Variants in TMEFF1 observed in about 807,000 individuals in gnomAD.
TMEFF1 encodes tomoregulin-1.
A neutral mutation model predicts 47.5 loss-of-function variants in TMEFF1; 20 were observed. The ratio of observed to expected loss-of-function variants is 0.42; its 90% confidence interval spans 0.30 to 0.61. The LOEUF is 0.61. TMEFF1 is among the 20% of genes least tolerant of loss of function. TMEFF1 has a pLI of 0.19. For missense variants in TMEFF1, 411 were observed against 471.1 expected, an observed-to-expected ratio of 0.87 and a Z score of 1.18; for synonymous variants, 162 against 166.3, an observed-to-expected ratio of 0.97 and a Z score of 0.20.
intron 9 of TMEFF1, among the ~76,000 whole-genome samples, chr9:100,574,496 C>CG (rs1020836808): frequency 2.0e-5 from 3 of 152,014 alleles, no homozygotes; most frequent in African/African-American, 7.2e-5. Context: ...CTCAACCTCC[C>CG]GAGTAGCTGA....
chr9:100,574,941 C>T (rs80000791), intron 9 of TMEFF1, among the ~76,000 whole-genome samples: 11,362 of 152,248 alleles, frequency 0.075, 499 homozygotes, highest in South Asian at 0.14. Context: ...GCCCTCACAG[C>T]CACTTAGACA....
chr9:100,486,488 C>T (rs770581903), intron 1 of TMEFF1, among the ~76,000 whole-genome samples: 34 of 152,244 alleles, frequency 2.2e-4, no homozygotes, highest in Admixed American at 1.3e-3. Flanking sequence ...ATAATTGGTC[C>T]GCCTCGGGCT....
intron 8 of TMEFF1, among the ~76,000 whole-genome samples, chr9:100,565,559 A>C (rs912779267): frequency 6.6e-6 from 1 of 152,094 alleles, no homozygotes; most frequent in Non-Finnish European, 1.5e-5. Flanking sequence ...CTACACCTGC[A>C]GTTTATACAT....
intron 4 of TMEFF1, 57 bp downstream of exon 4, chr9:100,513,390 T>C (rs1404994036): frequency 5.0e-5 from 77 of 1,530,778 alleles, no homozygotes; most frequent in South Asian, 3.7e-4. Context: ...TTTCTTTCTT[T>C]TTCTTTTTTT....
chr9:100,525,303 C>G (rs1838234758), intron 5 of TMEFF1, among the ~76,000 whole-genome samples: 1 of 152,090 alleles, frequency 6.6e-6, no homozygotes, highest in Non-Finnish European at 1.5e-5. Flanking sequence ...CGCTTTATAA[C>G]CAGCTGCAAA....
At chr9:100,537,225 G>A (rs1838531240) in intron 5 of TMEFF1, among the ~76,000 whole-genome samples, 1 of 152,194 alleles carries the variant, frequency 6.6e-6, no homozygotes, top group South Asian at 2.1e-4. Flanking sequence ...TGTAAGCATA[G>A]TGTCCAGAAC....
At chr9:100,490,867 GTGTGTA>G (rs748298736) in intron 1 of TMEFF1, among the ~76,000 whole-genome samples, 83 of 150,526 alleles carry the variant, frequency 5.5e-4, no homozygotes, top group African/African-American at 1.6e-3. Flanking sequence ...GTGTGTGTGT[GTGTGTA>G]TGTGTGTATG....
chr9:100,574,909 A>G (rs1839317962), intron 9 of TMEFF1, among the ~76,000 whole-genome samples: 1 of 152,176 alleles, frequency 6.6e-6, no homozygotes, highest in Non-Finnish European at 1.5e-5. Context: ...CCTCTAGTTT[A>G]TACTCCAGAT....
rs180724162 is a variant in TMEFF1, at chr9:100,536,772, A to G, written c.561-10972A>G. ...ATGAATCTAAGCAAGATAATCATCA[A>G]TCTGGCTTGGTATACATGACATAGG... On this transcript the variant is annotated intron_variant, in intron 5 of 9. Coordinates refer to ENST00000374879, the MANE Select transcript of TMEFF1 (RefSeq NM_003692.5). Among the ~76,000 whole-genome samples, 424 of 152,342 alleles carry G rather than the reference A, an allele frequency of 2.8e-3. 2 individuals are homozygous for G. The highest frequency in any genetic ancestry group is 9.7e-3 in the African/African-American group (402 of 41,572).
At chr9:100,517,030 T>C (rs199964080) in intron 5 of TMEFF1, among the ~76,000 whole-genome samples, 1 of 152,194 alleles carries the variant, frequency 6.6e-6, no homozygotes, top group Non-Finnish European at 1.5e-5. Flanking sequence ...CCCTGTAGTT[T>C]TATAGTTTTA....
Position 100,473,430 on chromosome 9 carries a change from G to A in TMEFF1, c.-115G>A. The A allele has an allele frequency of 1.2e-6, 1 of 804,168 alleles. No individual in the cohort carries two copies. The highest frequency in any genetic ancestry group is 1.7e-6 in the Non-Finnish European group (1 of 604,636). The allele number at this position is 804,168 out of a possible 1,614,324, so 49.8% of individuals were successfully genotyped here. A position where few individuals can be genotyped will look rare whatever the true frequency, so the allele number is the denominator to read the frequency against. ...CGGGGATGCTGACGGGCTGCTCCCC[G>A]GCTCAGCGGCGCGGCTGCTAGGAGG... On this transcript the variant is annotated 5_prime_UTR_variant, in exon 1 of 10. Transcript: ENST00000374879. This position sits in a 1 kb window ranked among gnomAD's most constrained non-coding sequence, Gnocchi z 5.4.
intron 1 of TMEFF1, among the ~76,000 whole-genome samples, chr9:100,496,180 C>T (rs894491406): frequency 6.6e-6 from 1 of 152,200 alleles, no homozygotes; most frequent in Non-Finnish European, 1.5e-5. Context: ...GCTGGAGGAG[C>T]AAACCAAGTC....
rs1837690837 is a variant in TMEFF1, at chr9:100,498,070, T to C, written c.197-695T>C. Among the ~76,000 whole-genome samples, 2 of 152,314 alleles carry C rather than the reference T, an allele frequency of 1.3e-5. 1 individual carries two copies. Among genetic ancestry groups the C allele is most frequent in the South Asian group, 4.1e-4 (2 of 4,826 alleles). On this transcript the variant is annotated intron_variant, in intron 1 of 9. Coordinates refer to ENST00000374879, the MANE Select transcript of TMEFF1 (RefSeq NM_003692.5). ...AGCTTCAAGCACTAACCTTGAAGCT[T>C]AATTTGATGCTTAATGTTGGAGCAG...
chr9:100,544,063 T>G (rs537173465), intron 5 of TMEFF1, among the ~76,000 whole-genome samples: 142 of 151,642 alleles, frequency 9.4e-4, no homozygotes, highest in Non-Finnish European at 1.8e-3. Context: ...ATATGACAGC[T>G]CATTTCCAGT....
chr9:100,570,781 C>CT (rs1321029248), intron 8 of TMEFF1, among the ~76,000 whole-genome samples: 1 of 151,976 alleles, frequency 6.6e-6, no homozygotes, highest in Non-Finnish European at 1.5e-5. Flanking sequence ...TCCCACATTT[C>CT]TTTTTTGTTG....
rs1837918961 is a variant in TMEFF1 at position 100,509,345 on chromosome 9, C to T, written c.436+211C>T. Among the ~76,000 whole-genome samples the T allele has an allele frequency of 2.0e-5, 3 of 152,122 alleles. No homozygotes were observed. In the South Asian group the frequency reaches 6.2e-4, roughly 32 times the overall value. On this transcript the variant is annotated intron_variant, in intron 3 of 9. Transcript: ENST00000374879. ...TATAGACTTATGTTACTCCTTACTA[C>T]ATTGTTAAGGCTTAACACTCTTTTT...
At chr9:100,557,609 T>A (rs928568922) in intron 7 of TMEFF1, among the ~76,000 whole-genome samples, 1 of 152,154 alleles carries the variant, frequency 6.6e-6, no homozygotes, top group Non-Finnish European at 1.5e-5. Context: ...ATGCTCTGAG[T>A]CTTAACTTAA....
In TMEFF1 at chr9:100,577,494, G is replaced by A. The variant is rs41274969; in HGVS notation, c.*894G>A. 6.6e-6 allele frequency: 1 copy of A among 152,536 alleles called. No homozygotes were observed. Among genetic ancestry groups the A allele is most frequent in the East Asian group, 1.9e-4 (1 of 5,208 alleles). 9.4% of individuals were successfully genotyped at this position (152,536 alleles called of 1,614,324 possible). A position where few individuals can be genotyped will look rare whatever the true frequency, so the allele number is the denominator to read the frequency against. Reference sequence around the variant, plus strand: ...GATTGTTGGTGTTTAAAGATCTGAAGTGTGAGTAGAATGTATTCAGCTGTT... The same window carrying A: ...GATTGTTGGTGTTTAAAGATCTGAAATGTGAGTAGAATGTATTCAGCTGTT... On this transcript the variant is annotated 3_prime_UTR_variant, in exon 10 of 10. Transcript: ENST00000374879.
chr9:100,532,198 A>G (rs1212483356), intron 5 of TMEFF1, among the ~76,000 whole-genome samples: 1 of 151,584 alleles, frequency 6.6e-6, no homozygotes, highest in Non-Finnish European at 1.5e-5. Context: ...CTTCATGTCT[A>G]AAACACCAAA....
Sources: allele counts gnomAD v4.1 joint callset (sites outside exome capture counted in the v4.1 genomes callset), GRCh38; gene constraint gnomAD v4.1.1; non-coding constraint Gnocchi (gnomAD v3.1); transcripts MANE v1.5; gene names NCBI Gene and HGNC (gene_info 2026-07-23, HGNC 2026-07-21).